TYW1: variants seen among roughly 807,000 people sequenced by gnomAD.
The protein encoded by TYW1 is tRNA-yW synthesizing protein 1 homolog, also known as S-adenosyl-L-methionine-dependent tRNA 4-demethylwyosine synthase TYW1.
TYW1 carries 46 observed loss-of-function variants against 96.2 expected under a neutral mutation model. The observed-to-expected ratio is 0.48, with a 90% confidence interval of 0.38 to 0.61. The LOEUF (loss-of-function observed/expected upper bound fraction) is 0.61, where lower values mean the gene tolerates loss of function less well. Ranked by LOEUF, TYW1 falls within the 20% of genes least tolerant of loss-of-function variation. TYW1 has a pLI of 0.00. For synonymous variants in TYW1, 274 were observed against 323.0 expected, an observed-to-expected ratio of 0.85 and a Z score of 1.63; for missense variants, 684 against 909.6, an observed-to-expected ratio of 0.75 and a Z score of 3.19.
intron 11 of TYW1, among the ~76,000 whole-genome samples, chr7:67,087,445 C>T (rs527592131): frequency 4.3e-4 from 65 of 152,194 alleles, no homozygotes; most frequent in African/African-American, 1.4e-3. Flanking sequence ...GAATAGAGCA[C>T]GTCTATGGAT....
intron 13 of TYW1, among the ~76,000 whole-genome samples, chr7:67,168,991 T>C (rs113927431): frequency 0.28 from 42,572 of 151,878 alleles, 6,436 homozygotes; most frequent in African/African-American, 0.4. Context: ...GGATTATAGG[T>C]GTGAGCACTG....
At chr7:67,004,904 C>T (rs1034962341) in intron 3 of TYW1, among the ~76,000 whole-genome samples, 22 of 152,074 alleles carry the variant, frequency 1.4e-4, no homozygotes, top group Admixed American at 1.2e-3. Flanking sequence ...TACAGGTGTG[C>T]GCCACCACAT....
At chr7:67,089,223 C>T (rs1272592286) in intron 11 of TYW1, 2 of 1,088,664 alleles carry the variant, frequency 1.8e-6, no homozygotes, top group Non-Finnish European at 1.3e-6. Context: ...AATCTATATA[C>T]AAGCCCTGGG....
intron 12 of TYW1, among the ~76,000 whole-genome samples, chr7:67,116,181 C>A (rs1458166287): frequency 1.3e-5 from 2 of 151,840 alleles, no homozygotes; most frequent in East Asian, 1.9e-4. Flanking sequence ...CAAAAATTAG[C>A]CGGATGTGGC....
chr7:67,005,459 G>A (rs1793543486), intron 3 of TYW1, among the ~76,000 whole-genome samples: 1 of 152,222 alleles, frequency 6.6e-6, no homozygotes, highest in Admixed American at 6.5e-5. Context: ...AGCCAGGCAT[G>A]GTGGCATGTG....
At chr7:67,054,501 G>A (rs1795450251) in intron 8 of TYW1, among the ~76,000 whole-genome samples, 1 of 152,190 alleles carries the variant, frequency 6.6e-6, no homozygotes, top group South Asian at 2.1e-4. Flanking sequence ...GAGTACATAA[G>A]CAGTCCTTTG....
At chr7:67,162,182 C>T (rs1244340321) in intron 13 of TYW1, among the ~76,000 whole-genome samples, 3 of 151,772 alleles carry the variant, frequency 2.0e-5, no homozygotes, top group Non-Finnish European at 4.4e-5. Flanking sequence ...GGCGTGGTGG[C>T]GGGTGCCTGT....
At chr7:67,124,244 C>G (rs1797849547) in intron 13 of TYW1, among the ~76,000 whole-genome samples, 1 of 152,090 alleles carries the variant, frequency 6.6e-6, no homozygotes. Context: ...CATATTTTTG[C>G]AACTATATAT....
intron 15 of TYW1, among the ~76,000 whole-genome samples, chr7:67,200,907 T>C (rs1483215688): frequency 6.6e-6 from 1 of 152,002 alleles, no homozygotes; most frequent in Non-Finnish European, 1.5e-5. Flanking sequence ...ACATGGCACA[T>C]TGAGAACCAC....
At chr7:67,089,504 A>G (rs1796649654) in intron 11 of TYW1, 1 of 884,082 alleles carries the variant, frequency 1.1e-6, no homozygotes, top group Non-Finnish European at 1.8e-6. Flanking sequence ...TCTGGCTTGG[A>G]GAGTCCTTTG....
At chr7:67,018,949 C>G (rs1395463855) in intron 6 of TYW1, among the ~76,000 whole-genome samples, 1 of 84,230 alleles carries the variant, frequency 1.2e-5, no homozygotes, top group African/African-American at 4.1e-5. Context: ...GAGTGAGACT[C>G]AGTCTCAAAA....
intron 7 of TYW1, among the ~76,000 whole-genome samples, chr7:67,031,361 TG>T (rs1361080366): frequency 1.4e-5 from 1 of 68,992 alleles, no homozygotes; most frequent in Non-Finnish European, 2.5e-5. Flanking sequence ...CCGGGTATGG[TG>T]GCTCACGCCT....
At chr7:67,207,197 C>T (rs1208730508) in intron 15 of TYW1, among the ~76,000 whole-genome samples, 2 of 152,178 alleles carry the variant, frequency 1.3e-5, no homozygotes, top group African/African-American at 4.8e-5. Flanking sequence ...TCCTAGAACA[C>T]CAGGACCGTT....
rs1376075118 is a variant in TYW1 at position 67,165,119 on chromosome 7, A to G, written c.1699-18007A>G. On this transcript the variant is annotated intron_variant, in intron 13 of 15. Transcript: ENST00000359626. ...CGTGCTAAACTCTAGGCAGCACTGA[A>G]TATTGCTGTTTAAAAAAAAATCTTT... 3.3e-5 allele frequency among the ~76,000 whole-genome samples: 5 copies of G among 152,142 alleles called. No homozygotes were observed. In the East Asian group the frequency reaches 9.6e-4, roughly 29 times the overall value.
rs1335376089 is a variant in TYW1, at chr7:67,238,796, G to A, written c.*267G>A. 1.8e-5 allele frequency: 23 copies of A among 1,283,832 alleles called. No homozygotes were observed. Among genetic ancestry groups the A allele is most frequent in the Non-Finnish European group, 2.0e-6 (2 of 1,010,954 alleles). 79.5% of individuals were successfully genotyped at this position (1,283,832 alleles called of 1,614,324 possible). On this transcript the variant is annotated 3_prime_UTR_variant, in exon 16 of 16. Transcript: ENST00000359626. ...TATTTTGGGGAGGAACTACACAGTC[G>A]TGATTAGAATTTATCTGATGGTTTT...
At chr7:67,037,697 G>C (rs1336619575) in intron 7 of TYW1, among the ~76,000 whole-genome samples, 1 of 151,906 alleles carries the variant, frequency 6.6e-6, no homozygotes, top group African/African-American at 2.4e-5. Context: ...GGCTGGGTGC[G>C]GCGACTCTGC....
intron 15 of TYW1, among the ~76,000 whole-genome samples, chr7:67,225,190 CA>C (rs10600752): frequency 0.067 from 5,245 of 77,998 alleles, 134 homozygotes; most frequent in East Asian, 0.27. Context: ...GACTCCGTCT[CA>C]AAAAAAAAAA....
At chr7:67,028,238 CAAA>C (rs58455978) in intron 7 of TYW1, among the ~76,000 whole-genome samples, 11 of 105,470 alleles carry the variant, frequency 1.0e-4, no homozygotes, top group Non-Finnish European at 1.6e-4. Context: ...GACTCTGTCT[CAAA>C]AAAAAAAAAA....
intron 13 of TYW1, among the ~76,000 whole-genome samples, chr7:67,163,294 T>C (rs996828347): frequency 2.0e-5 from 3 of 152,200 alleles, no homozygotes; most frequent in Non-Finnish European, 4.4e-5. Context: ...CCAGTGGGAA[T>C]TTTATTTCTG....
Sources: allele counts gnomAD v4.1 joint callset (sites outside exome capture counted in the v4.1 genomes callset), GRCh38; gene constraint gnomAD v4.1.1; transcripts MANE v1.5; gene names NCBI Gene and HGNC (gene_info 2026-07-23, HGNC 2026-07-21).